Variants in C1GALT1 observed in about 807,000 individuals in gnomAD.
C1GALT1 encodes the protein glycoprotein-N-acetylgalactosamine 3-beta-galactosyltransferase 1.
Under a neutral mutation model 31.0 loss-of-function variants are expected in C1GALT1, and 11 were observed. That is an observed-to-expected ratio of 0.36 (90% confidence interval 0.22 to 0.59). The LOEUF (loss-of-function observed/expected upper bound fraction) is 0.59, where lower values mean the gene tolerates loss of function less well. C1GALT1 is among the 20% of genes least tolerant of loss of function. The pLI, the probability that C1GALT1 is intolerant of heterozygous loss-of-function variation, is 0.79. For missense variants in C1GALT1, 424 were observed against 425.2 expected, an observed-to-expected ratio of 1.00 and a Z score of 0.03; for synonymous variants, 175 against 143.6, an observed-to-expected ratio of 1.22 and a Z score of -1.56.
At chr7:7,219,741 A>C (rs1279495642) in intron 1 of C1GALT1, among the ~76,000 whole-genome samples, 1 of 152,092 alleles carries the variant, frequency 6.6e-6, no homozygotes, top group African/African-American at 2.4e-5. Flanking sequence ...CATTTTAAGT[A>C]TTTTGGTTTA....
intron 1 of C1GALT1, among the ~76,000 whole-genome samples, chr7:7,200,427 C>T (rs995920889): frequency 5.3e-5 from 8 of 152,198 alleles, no homozygotes; most frequent in African/African-American, 1.9e-4. Flanking sequence ...GTCTGATTGG[C>T]TTCCCTTTGT....
intron 1 of C1GALT1, among the ~76,000 whole-genome samples, chr7:7,192,497 T>G (rs1038538081): frequency 1.3e-5 from 2 of 152,170 alleles, no homozygotes; most frequent in African/African-American, 4.8e-5. Flanking sequence ...CTGAGTAGTA[T>G]TCCGTGGTGT....
intron 1 of C1GALT1, 154 bp from the exon 2 acceptor site, chr7:7,234,149 G>C: frequency 1.6e-6 from 1 of 626,626 alleles, no homozygotes; most frequent in South Asian, 2.0e-5. Flanking sequence ...ATAATGTGCT[G>C]TTTTAGCAGC....
At chr7:7,222,695 T>C (rs190545820) in intron 1 of C1GALT1, among the ~76,000 whole-genome samples, 124 of 152,340 alleles carry the variant, frequency 8.1e-4, no homozygotes, top group African/African-American at 2.9e-3. Flanking sequence ...TCCAAATAAT[T>C]ATTGCTATTT....
chr7:7,216,884 TAGAG>T (rs939585290), intron 1 of C1GALT1, among the ~76,000 whole-genome samples: 3 of 152,026 alleles, frequency 2.0e-5, no homozygotes, highest in Non-Finnish European at 4.4e-5. Context: ...AGAGAAACCA[TAGAG>T]AGAGAGAGTT....
At chr7:7,197,407 GT>G (rs1311831051) in intron 1 of C1GALT1, among the ~76,000 whole-genome samples, 1 of 151,994 alleles carries the variant, frequency 6.6e-6, no homozygotes, top group Admixed American at 6.6e-5. Context: ...CTGTATCTCT[GT>G]TTTTGTACCA....
intron 1 of C1GALT1, among the ~76,000 whole-genome samples, chr7:7,192,752 C>G (rs1781129752): frequency 6.6e-6 from 1 of 152,062 alleles, no homozygotes; most frequent in African/African-American, 2.4e-5. Context: ...AGTGGTTATA[C>G]TAGTTTACAT....
chr7:7,240,273 GCA>G (rs980588253), intron 3 of C1GALT1, among the ~76,000 whole-genome samples: 24 of 152,146 alleles, frequency 1.6e-4, no homozygotes, highest in African/African-American at 5.8e-4. Context: ...ATCCTAAAAT[GCA>G]CAGGACAGCC....
Position 7,240,094 on chromosome 7 carries a change from A to G in C1GALT1, c.888+1172A>G, listed in dbSNP as rs368895379. Among the ~76,000 whole-genome samples the G allele has an allele frequency of 7.9e-5, 12 of 152,214 alleles. No individual in the cohort carries two copies. In the East Asian group the frequency reaches 1.3e-3, roughly 17 times the overall value. ...CTACTACTGTCATCTTCATAAGGCAATGCTTTCAAATCATCATCTGGAACA... is the reference window on the plus strand; with the variant it reads ...CTACTACTGTCATCTTCATAAGGCAGTGCTTTCAAATCATCATCTGGAACA... On this transcript the variant is annotated intron_variant, in intron 3 of 3. Transcript: ENST00000436587.
At position 7,216,066 on chromosome 7, in the gene C1GALT1, C is replaced by T. The variant is rs188688598; in HGVS notation, c.-17-18237C>T. 2.1e-3 allele frequency among the ~76,000 whole-genome samples: 314 copies of T among 152,048 alleles called. 2 individuals are homozygous for T. The highest frequency in any genetic ancestry group is 3.6e-3 in the Non-Finnish European group (243 of 67,994). On this transcript the variant is annotated intron_variant, in intron 1 of 3. Transcript: ENST00000436587. ...ATCTGAGTTGATCTTACAACGCTTG[C>T]AGAGGTTTATTAGAAATGCCATGCT... is the stretch of plus-strand genomic sequence containing the variant.
chr7:7,163,939 C>T (rs891152452), intron 2 of C1GALT1, among the ~76,000 whole-genome samples: 2 of 151,950 alleles, frequency 1.3e-5, no homozygotes, highest in African/African-American at 4.8e-5. Flanking sequence ...CTACCAATGA[C>T]TTTCTTCACA....
rs768365045 is a variant in C1GALT1, at chr7:7,243,507, T to C, written c.889-17T>C. 1 of 1,572,742 alleles carries C rather than the reference T, an allele frequency of 6.4e-7. No homozygotes were observed. Among genetic ancestry groups the C allele is most frequent in the East Asian group, 2.2e-5 (1 of 44,566 alleles). ...TGTGCTGTTTATTAACAATACCTGT[T>C]TCCACTACTTTTTTAGGGTCCTGGT... On this transcript the variant is annotated splice_polypyrimidine_tract_variant and intron_variant, in intron 3 of 3. Coordinates refer to ENST00000436587, the MANE Select transcript of C1GALT1 (RefSeq NM_020156.5).
At chr7:7,190,166 T>C (rs1362177261) in intron 1 of C1GALT1, among the ~76,000 whole-genome samples, 1 of 152,142 alleles carries the variant, frequency 6.6e-6, no homozygotes, top group Non-Finnish European at 1.5e-5. Flanking sequence ...AGGGTTATTA[T>C]AGGATTTTGG....
intron 1 of C1GALT1, among the ~76,000 whole-genome samples, chr7:7,230,161 A>C (rs1432855272): frequency 1.3e-5 from 2 of 152,158 alleles, no homozygotes; most frequent in Non-Finnish European, 2.9e-5. Context: ...TGTCAATTTT[A>C]CTTGTAGATT....
At position 7,245,854 on chromosome 7, in the gene C1GALT1, T is replaced by C. The variant is rs1233967525; in HGVS notation, c.*2127T>C. ...AAATTCTTGCTCTAACACTTACTGTTTTTGTAACCTTGAGCAATTTTAATC... is the reference window on the plus strand; with the variant it reads ...AAATTCTTGCTCTAACACTTACTGTCTTTGTAACCTTGAGCAATTTTAATC... On this transcript the variant is annotated 3_prime_UTR_variant, in exon 4 of 4. Transcript: ENST00000436587. The C allele has an allele frequency of 6.6e-6, 1 of 152,210 alleles. No individual in the cohort carries two copies. The highest frequency in any genetic ancestry group is 1.5e-5 in the Non-Finnish European group (1 of 68,034). 9.4% of individuals were successfully genotyped at this position (152,210 alleles called of 1,614,324 possible). A position where few individuals can be genotyped will look rare whatever the true frequency, so the allele number is the denominator to read the frequency against.
intron 1 of C1GALT1, among the ~76,000 whole-genome samples, chr7:7,196,550 A>G (rs1210059302): frequency 6.6e-6 from 1 of 152,218 alleles, no homozygotes; most frequent in African/African-American, 2.4e-5. Context: ...TTATAGCAGC[A>G]TGATTTGTAA....
rs1246989093 is a variant in C1GALT1, at chr7:7,245,169, C to T, written c.*1442C>T. The T allele has an allele frequency of 3.9e-5, 6 of 152,192 alleles. No homozygotes were observed. The highest frequency in any genetic ancestry group is 8.8e-5 in the Non-Finnish European group (6 of 68,030). The allele number at this position is 152,192 out of a possible 1,614,324, so 9.4% of individuals were successfully genotyped here. On this transcript the variant is annotated 3_prime_UTR_variant, in exon 4 of 4. Transcript: ENST00000436587. ...GTATTTACATTTCCCTCATGTTTAT[C>T]ATTATGCCAATTTTACATGGCAGTC...
intron 1 of C1GALT1, among the ~76,000 whole-genome samples, chr7:7,187,673 G>A (rs1486841131): frequency 6.6e-6 from 1 of 152,116 alleles, no homozygotes; most frequent in African/African-American, 2.4e-5. Flanking sequence ...TGTCAGTAGC[G>A]CCAAGGTTAA....
In C1GALT1 at chr7:7,247,401, G is replaced by C. The variant is rs1297535907; in HGVS notation, c.*3674G>C. 6.6e-6 allele frequency: 1 copy of C among 152,058 alleles called. No individual in the cohort carries two copies. The highest frequency in any genetic ancestry group is 1.5e-5 in the Non-Finnish European group (1 of 67,954). The allele number at this position is 152,058 out of a possible 1,614,324, so 9.4% of individuals were successfully genotyped here. A position where few individuals can be genotyped will look rare whatever the true frequency, so the allele number is the denominator to read the frequency against. ...AAGTTCATAGATAAAGCAGATTTTTGTCCCAGTTTGCTTTCAAATATAAAT... is the reference window on the plus strand; with the variant it reads ...AAGTTCATAGATAAAGCAGATTTTTCTCCCAGTTTGCTTTCAAATATAAAT... On this transcript the variant is annotated 3_prime_UTR_variant, in exon 4 of 4. Coordinates refer to ENST00000436587, the MANE Select transcript of C1GALT1 (RefSeq NM_020156.5).
Sources: gnomAD v4.1 joint callset for allele counts (sites outside exome capture counted in the v4.1 genomes callset) on GRCh38, gnomAD v4.1.1 for gene constraint, MANE v1.5 for transcripts, NCBI Gene and HGNC (gene_info 2026-07-23, HGNC 2026-07-21) for gene names.